Variants in ABHD18 observed in about 807,000 individuals in gnomAD.
The protein encoded by ABHD18 is abhydrolase domain containing 18.
A neutral mutation model predicts 65.9 loss-of-function variants in ABHD18; 55 were observed. The observed-to-expected ratio is 0.84, with a 90% confidence interval of 0.67 to 1.05. ABHD18 has a LOEUF of 1.05. Among genes scored for constraint, ABHD18 ranks in the 50% least tolerant of loss-of-function variants. The pLI, the probability that ABHD18 is intolerant of heterozygous loss-of-function variation, is 0.00. For missense variants in ABHD18, 533 were observed against 558.5 expected (o/e 0.95, Z 0.46); for synonymous variants, 181 against 180.2 (o/e 1.00, Z -0.04).
intron 4 of ABHD18, among the ~76,000 whole-genome samples, chr4:128,001,978 T>C (rs974568416): frequency 8.5e-5 from 13 of 152,100 alleles, no homozygotes; most frequent in African/African-American, 2.9e-4. Context: ...GAGAGTCCTG[T>C]TAGAAACATG....
chr4:127,973,879 A>G (rs1209037103), intron 1 of ABHD18, among the ~76,000 whole-genome samples: 2 of 151,728 alleles, frequency 1.3e-5, no homozygotes, highest in Non-Finnish European at 2.9e-5. Flanking sequence ...ACACACAAAA[A>G]AAATGAATTC....
chr4:127,968,320 G>A (rs1280091678), intron 1 of ABHD18, among the ~76,000 whole-genome samples: 1 of 152,192 alleles, frequency 6.6e-6, no homozygotes, highest in East Asian at 1.9e-4. Context: ...TTTTAACAGT[G>A]GATATCTGAG....
chr4:128,035,817 G>T lies in ABHD18; in HGVS notation c.*4G>T, dbSNP rs1758835808. ...CCTCCATAAATACGCTAACTAGTTG[G>T]ATTATTATATGTAACCAGTGTGGCC... is the stretch of plus-strand genomic sequence containing the variant. On this transcript the variant is annotated 3_prime_UTR_variant, in exon 13 of 13. Transcript: ENST00000645843. The T allele has an allele frequency of 1.3e-6, 2 of 1,527,550 alleles. No individual in the cohort carries two copies. Among genetic ancestry groups the T allele is most frequent in the East Asian group, 4.9e-5 (2 of 40,744 alleles). 94.6% of individuals were successfully genotyped at this position (1,527,550 alleles called of 1,614,324 possible). A position where few individuals can be genotyped will look rare whatever the true frequency, so the allele number is the denominator to read the frequency against.
intron 10 of ABHD18, among the ~76,000 whole-genome samples, chr4:128,021,721 G>A (rs1295467769): frequency 6.7e-6 from 1 of 150,090 alleles, no homozygotes. Flanking sequence ...AAGCAAATAT[G>A]TGGTTTACTA....
intron 4 of ABHD18, among the ~76,000 whole-genome samples, chr4:127,993,669 A>AT (rs922826966): frequency 8.5e-4 from 129 of 151,538 alleles, no homozygotes; most frequent in Admixed American, 6.5e-3. Flanking sequence ...AACTGTACTT[A>AT]TTTTTTTTTA....
At chr4:128,021,386 G>C (rs1756473736) in intron 10 of ABHD18, 148 bp downstream of exon 10, 1 of 551,450 alleles carries the variant, frequency 1.8e-6, no homozygotes, top group African/African-American at 1.9e-5. Context: ...ATTTTTGTCT[G>C]GGCATGGTGG....
Position 127,965,505 on chromosome 4 carries a change from G to C in ABHD18, c.-119G>C, listed in dbSNP as rs921265931. 2 of 365,696 alleles carry C rather than the reference G, an allele frequency of 5.5e-6. No homozygotes were observed. The highest frequency in any genetic ancestry group is 4.2e-5 in the African/African-American group (2 of 48,170). The allele number at this position is 365,696 out of a possible 1,614,324, so 22.7% of individuals were successfully genotyped here. On this transcript the variant is annotated 5_prime_UTR_variant, in exon 1 of 13. Transcript: ENST00000645843. ...TTCCTGGAAAGGTTACCGGAGCTGCGATTGGGGCTGGGACCAAAGTTGAGT... is the reference window on the plus strand; with the variant it reads ...TTCCTGGAAAGGTTACCGGAGCTGCCATTGGGGCTGGGACCAAAGTTGAGT...
At chr4:127,975,123 GT>G in intron 1 of ABHD18, among the ~76,000 whole-genome samples, 1 of 150,612 alleles carries the variant, frequency 6.6e-6, no homozygotes, top group East Asian at 1.9e-4. Flanking sequence ...ATTCTATTTT[GT>G]TTTCTCAGTT....
At chr4:128,009,031 A>G (rs1754099832) in intron 5 of ABHD18, 33 bp downstream of exon 5, 1 of 1,590,438 alleles carries the variant, frequency 6.3e-7, no homozygotes, top group Non-Finnish European at 8.6e-7. Flanking sequence ...TAATCTCTAG[A>G]TAATTTGTTA....
chr4:128,025,558 T>A (rs554590168), intron 10 of ABHD18, among the ~76,000 whole-genome samples: 1 of 152,342 alleles, frequency 6.6e-6, no homozygotes, highest in African/African-American at 2.4e-5. Flanking sequence ...TAGATGTTTA[T>A]GTTGTTTCTC....
chr4:127,987,749 A>G (rs185352651), intron 3 of ABHD18, among the ~76,000 whole-genome samples: 30 of 152,072 alleles, frequency 2.0e-4, no homozygotes, highest in African/African-American at 7.2e-4. Context: ...CATAAGAAGA[A>G]CACTTTATGC....
chr4:127,996,182 T>C (rs1751701762), intron 4 of ABHD18, among the ~76,000 whole-genome samples: 2 of 152,240 alleles, frequency 1.3e-5, no homozygotes, highest in Admixed American at 6.5e-5. Context: ...TAATGTGATA[T>C]GACCTGAGCA....
rs748557289 is a variant in ABHD18, at chr4:128,021,140, G to T, written c.703G>T (p.Val235Leu). 1 of 1,535,004 alleles carries T rather than the reference G, an allele frequency of 6.5e-7. No homozygotes were observed. The highest frequency in any genetic ancestry group is 8.8e-7 in the Non-Finnish European group (1 of 1,133,294). ...TTAATTTAGCTTATTATTTCAGGGTGTGTTGAGTAAATCAATTAATTGGAG... is the reference window on the plus strand; with the variant it reads ...TTAATTTAGCTTATTATTTCAGGGTTTGTTGAGTAAATCAATTAATTGGAG... ...STASGVFTTG[V>L]LSKSINWREL... The change falls in exon 10 of 13, where the codon GTG (valine) becomes TTG (leucine). Residue 235 changes from valine (V) to leucine (L), a missense_variant. Around this residue, in one of 3 missense-constraint regions of ABHD18, gnomAD observed 309 missense variants for 313.5 expected, o/e 0.99. Coordinates refer to ENST00000645843, the MANE Select transcript of ABHD18 (RefSeq NM_001358451.3).
rs1758832379 is a variant in ABHD18 at position 128,035,797 on chromosome 4, A to G, written c.1379A>G (p.His460Arg). 12 of 1,537,572 alleles carry G rather than the reference A, an allele frequency of 7.8e-6. No individual in the cohort carries two copies. The highest frequency in any genetic ancestry group is 1.1e-5 in the Non-Finnish European group (12 of 1,137,692). The change falls in exon 13 of 13, where the codon CAT (histidine) becomes CGT (arginine). Residue 460 changes from histidine (H) to arginine (R), a missense_variant. His to Arg is a conservative substitution (Grantham distance 29). Around this residue, in one of 3 missense-constraint regions of ABHD18, gnomAD observed 220 missense variants for 226.8 expected, o/e 0.97. Coordinates refer to ENST00000645843, the MANE Select transcript of ABHD18 (RefSeq NM_001358451.3). ...TATGATGCATTTGACCGCTTCCTCCATAAATACGCTAACTAGTTGGATTAT... is the reference window on the plus strand; with the variant it reads ...TATGATGCATTTGACCGCTTCCTCCGTAAATACGCTAACTAGTTGGATTAT... ...AIYDAFDRFL[H>R]KYAN
rs1759152068 is a variant in ABHD18, at chr4:128,039,187, T to C, written c.*3374T>C. The C allele has an allele frequency of 8.6e-6, 1 of 116,282 alleles. No individual in the cohort carries two copies. The highest frequency in any genetic ancestry group is 1.8e-5 in the Non-Finnish European group (1 of 55,450). 7.2% of individuals were successfully genotyped at this position (116,282 alleles called of 1,614,324 possible). Reference sequence around the variant, plus strand: ...TATATATATATATATATATATATAATCTCAAAGAAGTGCGGTCTGCCATTT... The same window carrying C: ...TATATATATATATATATATATATAACCTCAAAGAAGTGCGGTCTGCCATTT... On this transcript the variant is annotated 3_prime_UTR_variant, in exon 13 of 13. Transcript: ENST00000645843.
At chr4:128,002,748 A>G (rs1752895572) in intron 4 of ABHD18, among the ~76,000 whole-genome samples, 1 of 151,800 alleles carries the variant, frequency 6.6e-6, no homozygotes, top group Non-Finnish European at 1.5e-5. Context: ...AGTTCAAGTG[A>G]TTCTTCTGCC....
intron 7 of ABHD18, among the ~76,000 whole-genome samples, chr4:128,017,030 G>C (rs946641791): frequency 3.9e-5 from 6 of 151,914 alleles, no homozygotes; most frequent in Non-Finnish European, 8.8e-5. Context: ...CGATTTTCAT[G>C]CCTCAGTTTT....
At chr4:128,003,632 A>G (rs1753065323) in intron 4 of ABHD18, among the ~76,000 whole-genome samples, 1 of 152,084 alleles carries the variant, frequency 6.6e-6, no homozygotes, top group Non-Finnish European at 1.5e-5. Flanking sequence ...TCTTAAAAAC[A>G]TAATTTTTTA....
chr4:127,996,779 G>A (rs183084990), intron 4 of ABHD18, among the ~76,000 whole-genome samples: 1 of 152,232 alleles, frequency 6.6e-6, no homozygotes, highest in East Asian at 1.9e-4. Context: ...CCTTCCCCAG[G>A]GTTATTCCTT....
Sources: gnomAD v4.1 joint callset for allele counts (sites outside exome capture counted in the v4.1 genomes callset) on GRCh38, gnomAD v4.1.1 for gene constraint, gnomAD v4.1.1 regional missense constraint, MANE v1.5 for transcripts, NCBI Gene and HGNC (gene_info 2026-07-23, HGNC 2026-07-21) for gene names.